The following EPHB2 variants were observed in gnomAD, a reference collection of about 807,000 sequenced individuals.
EPHB2 encodes EPH receptor B2.
In EPHB2, 18 loss-of-function variants were observed where a neutral mutation model predicts 96.4. The observed-to-expected ratio is 0.19, with a 90% confidence interval of 0.13 to 0.28. The LOEUF (loss-of-function observed/expected upper bound fraction) is 0.28, where lower values mean the gene tolerates loss of function less well. EPHB2 is among the 10% of genes least tolerant of loss of function. The pLI, the probability that EPHB2 is intolerant of heterozygous loss-of-function variation, is 1.00. For synonymous variants in EPHB2, 506 were observed against 534.1 expected, an observed-to-expected ratio of 0.95 and a Z score of 0.72; for missense variants, 989 against 1,355.4, an observed-to-expected ratio of 0.73 and a Z score of 4.25.
chr1:22,896,664 C>T (rs143612851), intron 9 of EPHB2, among the ~76,000 whole-genome samples, 186 bp downstream of exon 9: 3 of 152,176 alleles, frequency 2.0e-5, no homozygotes, highest in African/African-American at 4.8e-5. Flanking sequence ...CTGCCTCAAG[C>T]GCTCTCCCCC....
At chr1:22,777,352 A>G (rs1644466625) in intron 1 of EPHB2, among the ~76,000 whole-genome samples, 1 of 152,158 alleles carries the variant, frequency 6.6e-6, no homozygotes, top group Admixed American at 6.5e-5. Flanking sequence ...AGTATCAAGT[A>G]CCTCTTGGCA....
chr1:22,834,903 C>T (rs184351923), intron 3 of EPHB2, among the ~76,000 whole-genome samples: 181 of 151,196 alleles, frequency 1.2e-3, no homozygotes, highest in Non-Finnish European at 2.2e-3. Flanking sequence ...CCAGCCTGAG[C>T]GACAGAGCAA....
chr1:22,716,040 C>CAG (rs1280484883), intron 1 of EPHB2, among the ~76,000 whole-genome samples: 1 of 152,198 alleles, frequency 6.6e-6, no homozygotes, highest in Non-Finnish European at 1.5e-5. Flanking sequence ...TCAGTGTCTC[C>CAG]CCTAACCCAC....
At chr1:22,804,186 G>A (rs1034136305) in intron 3 of EPHB2, among the ~76,000 whole-genome samples, 4 of 152,132 alleles carry the variant, frequency 2.6e-5, no homozygotes, top group East Asian at 1.9e-4. Flanking sequence ...CCAGGCTGCC[G>A]CGGCCAGTGT....
At chr1:22,779,917 C>A (rs997852675) in intron 1 of EPHB2, among the ~76,000 whole-genome samples, 2 of 152,226 alleles carry the variant, frequency 1.3e-5, no homozygotes, top group Non-Finnish European at 2.9e-5. Context: ...CTCTCACCCA[C>A]TCTCACTGAG....
Position 22,784,901 on chromosome 1 carries a change from G to A in EPHB2, c.636G>A (p.Ser212=), listed in dbSNP as rs774911081. ...QNGAIFQETL[S]GAESTSLVAA... is the part of the protein sequence containing the mutation. ...GCGCCATCTTCCAGGAAACCCTGTC[G>A]GGGGCTGAGAGCACATCGCTGGTGG... The change falls in exon 3 of 16, where the codon TCG becomes TCA. Residue 212 remains serine (S), a synonymous_variant. Coordinates refer to ENST00000374630, the MANE Select transcript of EPHB2 (RefSeq NM_017449.5). This position sits in a 1 kb window ranked among gnomAD's most constrained non-coding sequence, Gnocchi z 5.1. 5.0e-6 allele frequency: 8 copies of A among 1,613,872 alleles called. No individual in the cohort carries two copies. Among genetic ancestry groups the A allele is most frequent in the Middle Eastern group, 1.6e-4 (1 of 6,084 alleles).
Position 22,733,654 on chromosome 1 carries a change from G to A in EPHB2, c.61+22611G>A, listed in dbSNP as rs971804956. Among the ~76,000 whole-genome samples, 1 of 152,194 alleles carries A rather than the reference G, an allele frequency of 6.6e-6. No homozygotes were observed. Among genetic ancestry groups the A allele is most frequent in the Admixed American group, 6.5e-5 (1 of 15,288 alleles). ...TTAGAGGAAAACTGAATCTCTGAGA[G>A]GTTCAGTAAATTGCCCAAGGCCACA... On this transcript the variant is annotated intron_variant, in intron 1 of 15. Transcript: ENST00000374630. The surrounding 1 kb of genome is among the most constrained non-coding windows in gnomAD (Gnocchi z 4.6).
At chr1:22,823,091 G>A (rs1645174879) in intron 3 of EPHB2, among the ~76,000 whole-genome samples, 1 of 152,186 alleles carries the variant, frequency 6.6e-6, no homozygotes, top group African/African-American at 2.4e-5. Flanking sequence ...CCAGACAGGA[G>A]ACCTGGGTCC....
chr1:22,857,290 C>T (rs1034187546), intron 3 of EPHB2, among the ~76,000 whole-genome samples: 1 of 152,254 alleles, frequency 6.6e-6, no homozygotes, highest in East Asian at 1.9e-4. Context: ...AGTTTAATAG[C>T]ACACCACTGC....
At chr1:22,754,641 A>C (rs536986063) in intron 1 of EPHB2, among the ~76,000 whole-genome samples, 3 of 151,114 alleles carry the variant, frequency 2.0e-5, no homozygotes, top group African/African-American at 7.3e-5. Flanking sequence ...GGCCATGGAG[A>C]GCACACCTCA....
chr1:22,896,605 T>G (rs1373255234), intron 9 of EPHB2, 127 bp downstream of exon 9: 1 of 1,288,822 alleles, frequency 7.8e-7, no homozygotes, highest in African/African-American at 1.5e-5. Flanking sequence ...GGTTGCCTGG[T>G]TGCACTAAGC....
At chr1:22,897,716 A>G (rs1296857705) in intron 9 of EPHB2, among the ~76,000 whole-genome samples, 1 of 152,078 alleles carries the variant, frequency 6.6e-6, no homozygotes, top group Non-Finnish European at 1.5e-5. Context: ...GAACCCGGGA[A>G]GCAGAGGTTG....
chr1:22,792,571 GTCCA>G lies in EPHB2; in HGVS notation c.811+7522_811+7525del, dbSNP rs372019690. 1.4e-4 allele frequency among the ~76,000 whole-genome samples: 21 copies of G among 151,762 alleles called. No homozygotes were observed. In the South Asian group the frequency reaches 2.3e-3, roughly 17 times the overall value. On this transcript the variant is annotated intron_variant, in intron 3 of 15. Transcript: ENST00000374630. ...CTTCCCCTTTCCTATCCATCCATTGGTCCATCCATCCATCCATCCATCCATCCAT... is the reference window on the plus strand; with the variant it reads ...CTTCCCCTTTCCTATCCATCCATTGGTCCATCCATCCATCCATCCATCCAT...
At chr1:22,753,574 G>A (rs1412441288) in intron 1 of EPHB2, among the ~76,000 whole-genome samples, 1 of 152,200 alleles carries the variant, frequency 6.6e-6, no homozygotes, top group African/African-American at 2.4e-5. Flanking sequence ...GGCAAGGGCT[G>A]GCTAGGTGCA....
At chr1:22,757,451 G>T (rs1172857203) in intron 1 of EPHB2, among the ~76,000 whole-genome samples, 2 of 152,200 alleles carry the variant, frequency 1.3e-5, no homozygotes, top group African/African-American at 4.8e-5. Flanking sequence ...GCAGACTCTG[G>T]AGTCAGACAG....
intron 9 of EPHB2, among the ~76,000 whole-genome samples, chr1:22,900,032 G>A (rs933156604): frequency 6.6e-6 from 1 of 151,600 alleles, no homozygotes; most frequent in South Asian, 2.1e-4. Flanking sequence ...GGTAGCTCAC[G>A]CCTGTAATCC....
chr1:22,891,373 A>T, intron 6 of EPHB2: 1 of 346,084 alleles, frequency 2.9e-6, no homozygotes, highest in Non-Finnish European at 5.7e-6. Context: ...CTGGATAAGC[A>T]TTCACAGATT....
rs115326195 is a variant in EPHB2 at position 22,795,357 on chromosome 1, G to A, written c.811+10281G>A. On this transcript the variant is annotated intron_variant, in intron 3 of 15. Coordinates refer to ENST00000374630, the MANE Select transcript of EPHB2 (RefSeq NM_017449.5). Reference sequence around the variant, plus strand: ...GGCTCCAAGGCAGGGAGTCGGAGGTGGCTCGCCCAGGCTCACTCACCTTAT... The same window carrying A: ...GGCTCCAAGGCAGGGAGTCGGAGGTAGCTCGCCCAGGCTCACTCACCTTAT... Among the ~76,000 whole-genome samples, 1,027 of 152,268 alleles carry A rather than the reference G, an allele frequency of 6.7e-3. 8 individuals carry two copies. Among genetic ancestry groups the A allele is most frequent in the African/African-American group, 0.022 (918 of 41,558 alleles).
chr1:22,812,357 G>A (rs1488537860), intron 3 of EPHB2, among the ~76,000 whole-genome samples: 1 of 152,224 alleles, frequency 6.6e-6, no homozygotes, highest in Non-Finnish European at 1.5e-5. Flanking sequence ...ACTCGGAGTG[G>A]GCAGCAATGA....
Sources: gnomAD v4.1 joint callset for allele counts (sites outside exome capture counted in the v4.1 genomes callset) on GRCh38, gnomAD v4.1.1 for gene constraint, Gnocchi (gnomAD v3.1) non-coding constraint, MANE v1.5 for transcripts, NCBI Gene and HGNC (gene_info 2026-07-23, HGNC 2026-07-21) for gene names.